Variants in ERI1 observed in about 807,000 individuals in gnomAD.
ERI1 encodes exoribonuclease 1, also known as 3'-5' exoribonuclease 1.
In ERI1, 39 loss-of-function variants were observed where a neutral mutation model predicts 39.7. The ratio of observed to expected loss-of-function variants is 0.98; its 90% confidence interval spans 0.76 to 1.28. The LOEUF (loss-of-function observed/expected upper bound fraction) is 1.28. Ranked by LOEUF, ERI1 falls within the 50% of genes most tolerant of loss-of-function variation. The pLI is 0.00. For missense variants in ERI1, 581 were observed against 416.9 expected, an observed-to-expected ratio of 1.39 and a Z score of -3.43; for synonymous variants, 204 against 149.6, an observed-to-expected ratio of 1.36 and a Z score of -2.65.
chr8:9,013,972 C>G (rs190307179), intron 3 of ERI1, among the ~76,000 whole-genome samples: 4 of 152,142 alleles, frequency 2.6e-5, no homozygotes, highest in African/African-American at 9.7e-5. Flanking sequence ...CTTTGTGTTT[C>G]TGTCTGTGTC....
At chr8:9,014,645 A>G (rs73195799) in intron 3 of ERI1, among the ~76,000 whole-genome samples, 22,217 of 152,216 alleles carry the variant, frequency 0.15, 1,796 homozygotes, top group African/African-American at 0.19. Context: ...AATATCTGTT[A>G]TTTAGTACTA....
chr8:9,012,333 ATTAG>A (rs1284266725), intron 3 of ERI1, among the ~76,000 whole-genome samples: 2 of 152,272 alleles, frequency 1.3e-5, no homozygotes, highest in African/African-American at 2.4e-5. Context: ...TCAGTGCTTT[ATTAG>A]TTAAGAAAGT....
intron 3 of ERI1, among the ~76,000 whole-genome samples, chr8:9,040,945 C>G (rs943555020): frequency 6.6e-6 from 1 of 152,178 alleles, no homozygotes; most frequent in African/African-American, 2.4e-5. Flanking sequence ...ATTCCCACCT[C>G]GGTCTAGTGC....
intron 3 of ERI1, among the ~76,000 whole-genome samples, chr8:9,098,953 C>G (rs1799964248): frequency 1.3e-5 from 2 of 152,122 alleles, no homozygotes; most frequent in African/African-American, 4.8e-5. Context: ...CCTGCCTCAG[C>G]TTCCCGAGTA....
At chr8:9,072,649 C>G (rs575178414) in intron 3 of ERI1, 1 of 152,134 alleles carries the variant, frequency 6.6e-6, no homozygotes, top group Non-Finnish European at 1.5e-5. Flanking sequence ...ATCTTTGAAG[C>G]CTTCATAAAT....
At chr8:9,065,412 C>G (rs958898901) in intron 3 of ERI1, among the ~76,000 whole-genome samples, 12 of 152,076 alleles carry the variant, frequency 7.9e-5, no homozygotes, top group African/African-American at 2.9e-4. Flanking sequence ...TGGCTGACTG[C>G]CAGCTGGGCG....
intron 3 of ERI1, among the ~76,000 whole-genome samples, chr8:9,077,206 T>C (rs975019283): frequency 6.6e-6 from 1 of 152,224 alleles, no homozygotes; most frequent in Non-Finnish European, 1.5e-5. Flanking sequence ...TCTCATGTTC[T>C]CCAGTTCTTA....
rs553038507 is a variant in ERI1, at chr8:9,058,650, T to C, written n.299+38186T>C. Among the ~76,000 whole-genome samples the C allele has an allele frequency of 2.3e-3, 349 of 152,300 alleles. 3 individuals are homozygous for C. The highest frequency in any genetic ancestry group is 3.6e-3 in the Non-Finnish European group (245 of 68,026). ...CGTCTTCTGTTTAACTTGACTTAAT[T>C]GAATTGGCATAGGTATTTCCTATCT... is the stretch of plus-strand genomic sequence containing the variant. On this transcript the variant is annotated intron_variant and non_coding_transcript_variant, in intron 3 of 3. Coordinates refer to the ERI1 transcript ENST00000518663.
At chr8:9,022,728 A>G (rs1398143369) in intron 6 of ERI1, among the ~76,000 whole-genome samples, 2 of 151,852 alleles carry the variant, frequency 1.3e-5, no homozygotes, top group Non-Finnish European at 2.9e-5. Context: ...GTGTTTTTGA[A>G]CTCATTTTGT....
chr8:9,072,725 T>C (rs980200585), intron 3 of ERI1, among the ~76,000 whole-genome samples: 2 of 152,096 alleles, frequency 1.3e-5, no homozygotes, highest in Non-Finnish European at 2.9e-5. Flanking sequence ...CACCAGAGCT[T>C]CATCTTGACA....
intron 6 of ERI1, among the ~76,000 whole-genome samples, chr8:9,022,980 A>T (rs78550140): frequency 0.01 from 1,552 of 152,352 alleles, 27 homozygotes; most frequent in African/African-American, 0.035. Context: ...CACAGCTACC[A>T]TACCATTGTG....
At chr8:9,036,845 C>G (rs534673084), downstream of ERI1, among the ~76,000 whole-genome samples, 1 of 152,278 alleles carries the variant, frequency 6.6e-6, no homozygotes, top group South Asian at 2.1e-4. Context: ...TGCTTGCCGA[C>G]TCTGCACCTT....
downstream of ERI1, among the ~76,000 whole-genome samples, chr8:9,034,890 G>A (rs779277594): frequency 6.6e-6 from 1 of 152,216 alleles, no homozygotes; most frequent in Non-Finnish European, 1.5e-5. Flanking sequence ...TGCTGCTCCA[G>A]TGAGCACACA....
intron 3 of ERI1, among the ~76,000 whole-genome samples, chr8:9,054,897 C>T (rs1389469669): frequency 1.3e-5 from 2 of 152,188 alleles, no homozygotes; most frequent in Admixed American, 6.5e-5. Context: ...CATTGCACTC[C>T]AGCCTGGGTG....
intron 6 of ERI1, among the ~76,000 whole-genome samples, chr8:9,025,158 C>G (rs62495541): frequency 6.6e-6 from 1 of 152,046 alleles, no homozygotes; most frequent in Non-Finnish European, 1.5e-5. Flanking sequence ...GATCCCTTAC[C>G]TAATCATATG....
intron 3 of ERI1, among the ~76,000 whole-genome samples, chr8:9,073,836 G>A (rs1799128818): frequency 6.6e-6 from 1 of 151,658 alleles, no homozygotes; most frequent in South Asian, 2.1e-4. Flanking sequence ...TTCTGTTTAG[G>A]GTCTTTTACT....
At chr8:9,080,608 A>G (rs1799339000) in intron 3 of ERI1, among the ~76,000 whole-genome samples, 1 of 152,112 alleles carries the variant, frequency 6.6e-6, no homozygotes, top group South Asian at 2.1e-4. Context: ...GTTCACGTTC[A>G]CCCGTTCCAC....
intron 3 of ERI1, among the ~76,000 whole-genome samples, chr8:9,059,190 A>G (rs1798610201): frequency 6.6e-6 from 1 of 152,136 alleles, no homozygotes; most frequent in African/African-American, 2.4e-5. Flanking sequence ...TTTAGGCAGG[A>G]ACAGGCCATT....
intron 3 of ERI1, among the ~76,000 whole-genome samples, chr8:9,090,102 A>C (rs1799658402): frequency 6.6e-6 from 1 of 152,194 alleles, no homozygotes; most frequent in Non-Finnish European, 1.5e-5. Context: ...GGAGACACAG[A>C]CAGGCACCAA....
Sources: allele counts gnomAD v4.1 joint callset (sites outside exome capture counted in the v4.1 genomes callset), GRCh38; gene constraint gnomAD v4.1.1; transcripts MANE v1.5; gene names NCBI Gene and HGNC (gene_info 2026-07-23, HGNC 2026-07-21).